Variants in KAT6A observed in about 807,000 individuals in gnomAD.
KAT6A encodes the protein lysine acetyltransferase 6A.
Under a neutral mutation model 198.4 loss-of-function variants are expected in KAT6A, and 9 were observed. The observed-to-expected ratio is 0.05, with a 90% CI of 0.03 to 0.08. KAT6A has a LOEUF of 0.08. KAT6A is among the 10% of genes least tolerant of loss of function. The pLI, the probability that KAT6A is intolerant of heterozygous loss-of-function variation, is 1.00. For synonymous variants in KAT6A, 890 were observed against 883.0 expected, an observed-to-expected ratio of 1.01 and a Z score of -0.14; for missense variants, 2,077 against 2,509.9, an observed-to-expected ratio of 0.83 and a Z score of 3.69.
At chr8:41,988,801 G>A (rs1420036239) in intron 2 of KAT6A, among the ~76,000 whole-genome samples, 1 of 152,200 alleles carries the variant, frequency 6.6e-6, no homozygotes, top group Non-Finnish European at 1.5e-5. Context: ...GAGGAAACTG[G>A]TGAGTTCCAT....
At chr8:41,967,155 A>C (rs902868021) in intron 8 of KAT6A, among the ~76,000 whole-genome samples, 1 of 152,158 alleles carries the variant, frequency 6.6e-6, no homozygotes, top group Non-Finnish European at 1.5e-5. Flanking sequence ...AATCTGTATG[A>C]AAATACAATG....
chr8:42,021,783 T>C (rs1826547177), intron 2 of KAT6A, among the ~76,000 whole-genome samples: 1 of 152,076 alleles, frequency 6.6e-6, no homozygotes, highest in Non-Finnish European at 1.5e-5. Flanking sequence ...ATACAAAAAT[T>C]AGGCTGGCTA....
At chr8:41,946,013 G>A (rs1587725866) in intron 12 of KAT6A, among the ~76,000 whole-genome samples, 1 of 149,134 alleles carries the variant, frequency 6.7e-6, no homozygotes, top group African/African-American at 2.5e-5. Context: ...CTGGGTGACA[G>A]AGCGAGACTC....
intron 15 of KAT6A, among the ~76,000 whole-genome samples, chr8:41,940,174 A>G (rs1219067663): frequency 6.6e-6 from 1 of 152,128 alleles, no homozygotes; most frequent in Non-Finnish European, 1.5e-5. Context: ...CTTAAAATCC[A>G]CTCCATAGCC....
intron 3 of KAT6A, among the ~76,000 whole-genome samples, chr8:41,982,921 C>G (rs1791631115): frequency 6.6e-6 from 1 of 152,066 alleles, no homozygotes; most frequent in African/African-American, 2.4e-5. Context: ...CGGTTTTATC[C>G]AAGGTTTCAA....
rs1821902881 is a variant in KAT6A at position 41,937,397 on chromosome 8, C to T, written c.3211G>A (p.Glu1071Lys). The change falls in exon 16 of 17, where the codon GAG (glutamate) becomes AAG (lysine). Residue 1071 changes from glutamate (E) to lysine (K), a missense_variant. Coordinates refer to ENST00000265713, the MANE Select transcript of KAT6A (RefSeq NM_006766.5). ...AGTTCATTTTCATCCTCTTCCTCCT[C>T]TTCTTCATCGATCTCAAACGTGGGT... ...LEPTFEIDEE[E>K]EEEDENELFP... is the part of the protein sequence containing the mutation. 4 of 1,614,164 alleles carry T rather than the reference C, an allele frequency of 2.5e-6. No individual in the cohort carries two copies. The highest frequency in any genetic ancestry group is 1.3e-5 in the African/African-American group (1 of 75,056).
intron 2 of KAT6A, among the ~76,000 whole-genome samples, chr8:42,039,477 G>C (rs1357614660): frequency 6.6e-6 from 1 of 152,092 alleles, no homozygotes; most frequent in Non-Finnish European, 1.5e-5. Flanking sequence ...AAATCTAATA[G>C]ATGTTAAGGA....
intron 2 of KAT6A, among the ~76,000 whole-genome samples, chr8:42,039,185 G>C (rs967455494): frequency 2.0e-5 from 3 of 152,126 alleles, no homozygotes; most frequent in African/African-American, 7.2e-5. Flanking sequence ...TAATTCATTC[G>C]CTGCAGATCC....
At position 41,933,732 on chromosome 8, in the gene KAT6A, C is replaced by A. The variant is rs146881556; in HGVS notation, c.4488G>T (p.Ser1496=). 2 of 1,614,042 alleles carry A rather than the reference C, an allele frequency of 1.2e-6. No homozygotes were observed. The highest frequency in any genetic ancestry group is 3.3e-5 in the Admixed American group (2 of 60,016). ...VQSHPSQSVR[S]VSSPNVPALE... ...GGGCAGGCACGTTGGGACTGCTGAC[C>A]GAACGGACTGACTGGCTGGGGTGAG... The change falls in exon 17 of 17, where the codon TCG becomes TCT. Residue 1496 remains serine, a synonymous_variant. Transcript: ENST00000265713. The surrounding 1 kb of genome is among the most constrained non-coding windows in gnomAD (Gnocchi z 6.2).
At chr8:41,950,580 C>A (rs899639443) in intron 9 of KAT6A, among the ~76,000 whole-genome samples, 1 of 152,120 alleles carries the variant, frequency 6.6e-6, no homozygotes, top group South Asian at 2.1e-4. Flanking sequence ...ATTTTGAGAG[C>A]TAAATATTAC....
chr8:42,017,220 T>G (rs1024130614), intron 2 of KAT6A, among the ~76,000 whole-genome samples: 2 of 152,190 alleles, frequency 1.3e-5, no homozygotes, highest in African/African-American at 4.8e-5. Context: ...CGTTGTCAGG[T>G]TGACAGCATT....
intron 8 of KAT6A, chr8:41,957,364 TAC>T: frequency 2.0e-6 from 1 of 504,346 alleles, no homozygotes; most frequent in Non-Finnish European, 4.0e-6. Context: ...CAAGGCTCTC[TAC>T]ACAGGGAGGA....
intron 8 of KAT6A, among the ~76,000 whole-genome samples, chr8:41,966,954 T>C (rs755364060): frequency 5.3e-5 from 8 of 152,178 alleles, no homozygotes; most frequent in Non-Finnish European, 1.2e-4. Context: ...TTTCCTCATA[T>C]GTAAAATGGG....
chr8:41,978,457 G>A (rs944193852), intron 6 of KAT6A, among the ~76,000 whole-genome samples, 185 bp downstream of exon 6: 2 of 152,160 alleles, frequency 1.3e-5, no homozygotes, highest in African/African-American at 4.8e-5. Context: ...ACAATTCAAT[G>A]CATATAAAGC....
intron 7 of KAT6A, among the ~76,000 whole-genome samples, chr8:41,975,719 TA>T (rs772389295): frequency 2.2e-4 from 34 of 152,168 alleles, no homozygotes; most frequent in Non-Finnish European, 3.1e-4. Context: ...TTATAATTCA[TA>T]AAGAAAATGA....
Position 41,932,302 on chromosome 8 carries a change from T to C in KAT6A, c.5918A>G (p.His1973Arg), listed in dbSNP as rs1456578295. 2 of 1,614,164 alleles carry C rather than the reference T, an allele frequency of 1.2e-6. No individual in the cohort carries two copies. The highest frequency in any genetic ancestry group is 8.5e-7 in the Non-Finnish European group (1 of 1,180,024). ...GGGGCCTGTGTACATCATGTTCCCA[T>C]GAGGGTTAGGCTGCATAGGCTGCTG... Reference protein sequence around the residue: ...YTQQPMQPNPHGNMMYTGPSH... With the variant: ...YTQQPMQPNPRGNMMYTGPSH... Residue 1973 changes from histidine (H) to arginine (R), a missense_variant, in exon 17 of 17, where the codon CAT becomes CGT. By Grantham distance (29) the His-to-Arg change is conservative. This residue lies in a region of KAT6A where 500 missense variants were observed against 577.2 expected (regional missense o/e 0.87). Coordinates refer to ENST00000265713, the MANE Select transcript of KAT6A (RefSeq NM_006766.5).
intron 2 of KAT6A, among the ~76,000 whole-genome samples, chr8:42,042,802 G>T (rs1194353839): frequency 6.6e-6 from 1 of 152,150 alleles, no homozygotes. Flanking sequence ...TGATTACCAT[G>T]AAAGAGAATA....
chr8:41,947,563 T>C (rs1299467443), intron 11 of KAT6A, among the ~76,000 whole-genome samples, 188 bp downstream of exon 11: 3 of 152,178 alleles, frequency 2.0e-5, no homozygotes, highest in African/African-American at 7.2e-5. Flanking sequence ...TAGGAGAATA[T>C]AGGTTGTTGA....
At chr8:41,962,414 G>A (rs143638961) in intron 8 of KAT6A, among the ~76,000 whole-genome samples, 20 of 152,020 alleles carry the variant, frequency 1.3e-4, no homozygotes, top group African/African-American at 4.6e-4. Context: ...TGGCAACTCC[G>A]TCTTCCAACT....
Sources: gnomAD v4.1 joint callset for allele counts (sites outside exome capture counted in the v4.1 genomes callset) on GRCh38, gnomAD v4.1.1 for gene constraint, gnomAD v4.1.1 regional missense constraint, Gnocchi (gnomAD v3.1) non-coding constraint, MANE v1.5 for transcripts, NCBI Gene and HGNC (gene_info 2026-07-23, HGNC 2026-07-21) for gene names.